BPIFA1: variants seen among roughly 807,000 people sequenced by gnomAD.
BPIFA1 encodes BPI fold containing family A member 1.
In BPIFA1, 24 loss-of-function variants were observed where a neutral mutation model predicts 25.1. That is an observed-to-expected ratio of 0.96 (90% CI 0.69 to 1.35). The LOEUF (loss-of-function observed/expected upper bound fraction) is 1.35, where lower values mean the gene tolerates loss of function less well. Among genes scored for constraint, BPIFA1 ranks in the 40% most tolerant of loss-of-function variants. The pLI is 0.00. For synonymous variants in BPIFA1, 139 were observed against 131.8 expected (o/e 1.05, Z -0.37); for missense variants, 344 against 303.7 (o/e 1.13, Z -0.99).
rs1396784247 is a variant in BPIFA1, at chr20:33,239,926, G to A, written c.428+16G>A. The A allele has an allele frequency of 3.1e-6, 5 of 1,603,346 alleles. No homozygotes were observed. The highest frequency in any genetic ancestry group is 4.3e-6 in the Non-Finnish European group (5 of 1,170,204). ...AAGTGAATACGTGAGTGGGTCCCAA[G>A]AGGGGGTGAGAGGATGGCTCACCGA... On this transcript the variant is annotated intron_variant, in intron 4 of 8. Coordinates refer to ENST00000354297, the MANE Select transcript of BPIFA1 (RefSeq NM_130852.3).
intron 5 of BPIFA1, 120 bp from the exon 6 acceptor site, chr20:33,241,265 T>C (rs1341545507): frequency 4.3e-6 from 4 of 936,338 alleles, no homozygotes; most frequent in South Asian, 2.8e-5. Context: ...TGGGTGTAGA[T>C]AGACAAGGCT....
intron 5 of BPIFA1, among the ~76,000 whole-genome samples, chr20:33,240,642 AGAT>A (rs1555794388): frequency 1.7e-5 from 2 of 117,778 alleles, no homozygotes; most frequent in African/African-American, 6.2e-5. Context: ...ATGGATAGAT[AGAT>A]GATAGATAGA....
intron 5 of BPIFA1, 85 bp from the exon 6 acceptor site, chr20:33,241,299 GA>G: frequency 8.0e-7 from 1 of 1,252,650 alleles, no homozygotes; most frequent in Non-Finnish European, 1.2e-6. Context: ...TGAGTGTTGA[GA>G]CTGTGGGGTT....
chr20:33,241,867 T>C (rs1318549852), intron 6 of BPIFA1, among the ~76,000 whole-genome samples, 189 bp from the exon 7 acceptor site: 1 of 152,244 alleles, frequency 6.6e-6, no homozygotes, highest in Non-Finnish European at 1.5e-5. Flanking sequence ...TTGTGTGATT[T>C]GGGGCCCTTC....
At chr20:33,239,943 G>C (rs1251629398) in intron 4 of BPIFA1, 33 bp downstream of exon 4, 1 of 1,576,992 alleles carries the variant, frequency 6.3e-7, no homozygotes, top group Admixed American at 1.7e-5. Context: ...TGAGAGGATG[G>C]CTCACCGAGG....
In BPIFA1 at chr20:33,238,117, G is replaced by T; in HGVS notation, c.223G>T (p.Asp75Tyr). 6.2e-7 allele frequency: 1 copy of T among 1,613,992 alleles called. No homozygotes were observed. Among genetic ancestry groups the T allele is most frequent in the Non-Finnish European group, 8.5e-7 (1 of 1,179,992 alleles). Residue 75 changes from aspartate (D) to tyrosine (Y), a missense_variant, in exon 3 of 9, where the codon GAC becomes TAC. Asp to Tyr is a radical substitution (Grantham distance 160). Coordinates refer to ENST00000354297, the MANE Select transcript of BPIFA1 (RefSeq NM_130852.3). ...LGILENLPLL[D>Y]ILKPGGGTSG... ...CATTCTGGAAAACCTTCCGCTCCTG[G>T]ACATCCTGAAGCCTGGAGGAGGTAC...
At chr20:33,241,781 T>G (rs1012586150) in intron 6 of BPIFA1, among the ~76,000 whole-genome samples, 2 of 152,154 alleles carry the variant, frequency 1.3e-5, no homozygotes, top group African/African-American at 4.8e-5. Flanking sequence ...AACCTATGCT[T>G]GGGTGTCTCC....
intron 6 of BPIFA1, 107 bp from the exon 7 acceptor site, chr20:33,241,949 A>G: frequency 2.0e-6 from 2 of 987,732 alleles, no homozygotes; most frequent in Non-Finnish European, 1.6e-6. Context: ...GCTTAGAATC[A>G]CTTTCACACA....
chr20:33,237,898 ATG>A (rs11468029), intron 2 of BPIFA1, 27 bp downstream of exon 2: 25,900 of 1,175,332 alleles, frequency 0.022, 183 homozygotes, highest in Admixed American at 0.028. Flanking sequence ...GTATGTGTGC[ATG>A]TGTGTGTGTG....
intron 8 of BPIFA1, among the ~76,000 whole-genome samples, chr20:33,242,776 CA>C (rs1348249334): frequency 6.6e-6 from 1 of 152,204 alleles, no homozygotes; most frequent in Non-Finnish European, 1.5e-5. Flanking sequence ...AACACACACA[CA>C]AATGCCCAGA....
intron 8 of BPIFA1, among the ~76,000 whole-genome samples, 180 bp downstream of exon 8, chr20:33,242,741 G>A (rs925083871): frequency 1.3e-5 from 2 of 152,112 alleles, no homozygotes; most frequent in African/African-American, 4.8e-5. Context: ...GATGCAGGCA[G>A]CACAGCAACA....
chr20:33,240,105 A>C, intron 4 of BPIFA1, 128 bp from the exon 5 acceptor site: 1 of 1,463,718 alleles, frequency 6.8e-7, no homozygotes, highest in Non-Finnish European at 9.3e-7. Flanking sequence ...CTCCTGCTAG[A>C]AAATGAGATA....
At chr20:33,237,592 G>A (rs2146497322) in intron 1 of BPIFA1, 105 bp from the exon 2 acceptor site, 1 of 902,958 alleles carries the variant, frequency 1.1e-6, no homozygotes. Flanking sequence ...TGACCCCCTG[G>A]TGTTCTGGGG....
intron 3 of BPIFA1, among the ~76,000 whole-genome samples, chr20:33,238,953 C>T (rs2146498974): frequency 6.6e-6 from 1 of 152,278 alleles, no homozygotes; most frequent in South Asian, 2.1e-4. Flanking sequence ...TGTTGGATGA[C>T]CTGGGACAGG....
intron 8 of BPIFA1, 71 bp downstream of exon 8, chr20:33,242,632 A>G (rs1232854624): frequency 8.9e-7 from 1 of 1,126,578 alleles, no homozygotes; most frequent in Non-Finnish European, 1.3e-6. Flanking sequence ...GGCAGACGGG[A>G]GCTTGGGACA....
At chr20:33,238,281 A>G in intron 3 of BPIFA1, 67 bp downstream of exon 3, 2 of 1,538,162 alleles carry the variant, frequency 1.3e-6, no homozygotes, top group Admixed American at 1.9e-5. Flanking sequence ...TGCCAGCCCC[A>G]GGCAGTGACC....
In BPIFA1 at chr20:33,242,083, AG is replaced by A. The variant is rs1979004613; in HGVS notation, c.695del (p.Arg232LysfsTer15). On this transcript the variant is annotated frameshift_variant, in exon 7 of 9. Transcript: ENST00000354297. LOFTEE classifies it high-confidence loss of function. The stretch of plus-strand genomic sequence containing the variant: ...GTGCCCTCTGGTCAATGAGGTTCTC[AG>A]AGGCTTGGACATCACCCTGGTGCAT... ...NVCPLVNEVLRGLDITLVHDI... is the reference protein window; with the variant it reads ...NVCPLVNEVLXGLDITLVHDI... The A allele has an allele frequency of 6.2e-7, 1 of 1,614,166 alleles. No homozygotes were observed.
At chr20:33,237,079 G>T (rs1359619532) in intron 1 of BPIFA1, among the ~76,000 whole-genome samples, 1 of 152,194 alleles carries the variant, frequency 6.6e-6, no homozygotes, top group Non-Finnish European at 1.5e-5. Context: ...TGTCTGAAGA[G>T]CAGCAATGAT....
At chr20:33,237,356 G>A (rs1294077824) in intron 1 of BPIFA1, among the ~76,000 whole-genome samples, 1 of 152,216 alleles carries the variant, frequency 6.6e-6, no homozygotes, top group African/African-American at 2.4e-5. Flanking sequence ...GCAAGATGGA[G>A]TGAGGTGAGG....
Sources: allele counts gnomAD v4.1 joint callset (sites outside exome capture counted in the v4.1 genomes callset), GRCh38; gene constraint gnomAD v4.1.1; transcripts MANE v1.5; gene names NCBI Gene and HGNC (gene_info 2026-07-23, HGNC 2026-07-21).